Variants in PACRG observed in about 807,000 individuals in gnomAD.
PACRG encodes parkin coregulated, also known as parkin coregulated gene protein.
PACRG carries 29 observed loss-of-function variants against 29.7 expected under a neutral mutation model. The observed-to-expected ratio is 0.98, with a 90% CI of 0.73 to 1.33. The LOEUF is 1.33. PACRG is among the 40% of genes most tolerant of loss of function. PACRG has a pLI of 0.00. For missense variants in PACRG, 279 were observed against 316.2 expected, an observed-to-expected ratio of 0.88 and a Z score of 0.89; for synonymous variants, 116 against 118.7, an observed-to-expected ratio of 0.98 and a Z score of 0.15.
chr6:163,163,307 T>C (rs1778644858), intron 4 of PACRG, among the ~76,000 whole-genome samples: 1 of 152,228 alleles, frequency 6.6e-6, no homozygotes, highest in Non-Finnish European at 1.5e-5. Flanking sequence ...AGTCTCACTC[T>C]GTCACTCAGG....
At chr6:162,990,324 C>A (rs1389347168) in intron 2 of PACRG, among the ~76,000 whole-genome samples, 1 of 151,842 alleles carries the variant, frequency 6.6e-6, no homozygotes, top group African/African-American at 2.4e-5. Context: ...CTGACTTCCA[C>A]AATGGTTGAA....
intron 2 of PACRG, among the ~76,000 whole-genome samples, chr6:162,947,163 A>G (rs1453021170): frequency 1.3e-5 from 2 of 150,776 alleles, no homozygotes; most frequent in Non-Finnish European, 3.0e-5. Context: ...CAAATGGGAG[A>G]AGAAGCCAAA....
At chr6:162,823,635 C>T (rs1788028461) in intron 2 of PACRG, among the ~76,000 whole-genome samples, 1 of 151,852 alleles carries the variant, frequency 6.6e-6, no homozygotes, top group Non-Finnish European at 1.5e-5. Flanking sequence ...CCTCAGCCTC[C>T]CGAGTAGCTG....
chr6:163,225,833 G>T (rs963397346), intron 4 of PACRG, among the ~76,000 whole-genome samples: 1 of 152,128 alleles, frequency 6.6e-6, no homozygotes, highest in African/African-American at 2.4e-5. Flanking sequence ...TCGACGAATG[G>T]ATAAAGAAAA....
chr6:163,140,748 C>CG (rs1457389569), intron 4 of PACRG, among the ~76,000 whole-genome samples: 1 of 151,778 alleles, frequency 6.6e-6, no homozygotes, highest in Non-Finnish European at 1.5e-5. Flanking sequence ...TGAGAGGTCC[C>CG]GAAATCATGC....
At chr6:162,937,390 G>A (rs997741645) in intron 2 of PACRG, among the ~76,000 whole-genome samples, 110 of 152,310 alleles carry the variant, frequency 7.2e-4, no homozygotes, top group African/African-American at 2.5e-3. Flanking sequence ...AGAGAAGGGA[G>A]TGCTAAGAAC....
chr6:163,137,608 C>T (rs183463447), intron 4 of PACRG, among the ~76,000 whole-genome samples: 1 of 152,138 alleles, frequency 6.6e-6, no homozygotes, highest in African/African-American at 2.4e-5. Context: ...CTCCCTAATA[C>T]CCCGTGCTCC....
intron 1 of PACRG, among the ~76,000 whole-genome samples, chr6:162,785,240 GAAAC>G (rs535534208): frequency 4.0e-5 from 6 of 151,514 alleles, no homozygotes; most frequent in Non-Finnish European, 8.8e-5. Context: ...AGGAAGCAAT[GAAAC>G]AAACCAATTT....
At chr6:162,758,036 C>T (rs1782064444) in intron 1 of PACRG, among the ~76,000 whole-genome samples, 1 of 152,090 alleles carries the variant, frequency 6.6e-6, no homozygotes, top group Admixed American at 6.5e-5. Context: ...AAATCAGGCA[C>T]TCTCATACAT....
intron 2 of PACRG, among the ~76,000 whole-genome samples, chr6:162,987,201 A>G (rs1434865883): frequency 2.6e-5 from 4 of 152,090 alleles, no homozygotes; most frequent in African/African-American, 9.7e-5. Flanking sequence ...CTTTTGTCCC[A>G]TGAGTTGATC....
intron 2 of PACRG, among the ~76,000 whole-genome samples, chr6:162,973,618 T>G (rs964592266): frequency 1.3e-5 from 2 of 152,164 alleles, no homozygotes; most frequent in Non-Finnish European, 2.9e-5. Context: ...CTCCCCAAAT[T>G]AGATATTCCA....
Position 163,263,827 on chromosome 6 carries a change from T to G in PACRG, c.614-51000T>G, listed in dbSNP as rs774175299. 1.3e-4 allele frequency among the ~76,000 whole-genome samples: 20 copies of G among 152,334 alleles called. No homozygotes were observed. The Middle Eastern group carries it at 0.01, about 78-fold the overall frequency. On this transcript the variant is annotated intron_variant, in intron 4 of 4. Transcript: ENST00000366888. ...ATATTTTTTAGATAAAGGGCACTGC[T>G]AACACGGATAAATAAGAAGCCTGAC...
intron 4 of PACRG, among the ~76,000 whole-genome samples, chr6:163,126,275 C>G (rs1816511166): frequency 6.6e-6 from 1 of 152,168 alleles, no homozygotes; most frequent in Non-Finnish European, 1.5e-5. Context: ...AAAGAATTGT[C>G]TCATTAACCT....
intron 4 of PACRG, among the ~76,000 whole-genome samples, chr6:163,106,825 T>G (rs1815408888): frequency 6.6e-6 from 1 of 152,212 alleles, no homozygotes; most frequent in South Asian, 2.1e-4. Context: ...ACGGAAGTCC[T>G]CATCATCAGC....
chr6:163,253,843 C>T (rs373350405), intron 4 of PACRG, among the ~76,000 whole-genome samples: 3 of 152,356 alleles, frequency 2.0e-5, no homozygotes, highest in Non-Finnish European at 2.9e-5. Context: ...CTCCAAAGGA[C>T]GTGCTCCCGG....
chr6:162,879,693 C>T (rs1793670660), intron 2 of PACRG, among the ~76,000 whole-genome samples: 1 of 152,330 alleles, frequency 6.6e-6, no homozygotes, highest in South Asian at 2.1e-4. Context: ...GTGGGCCAGG[C>T]CCCGAGCTGG....
intron 4 of PACRG, among the ~76,000 whole-genome samples, chr6:163,306,202 A>G (rs1785192467): frequency 1.3e-5 from 2 of 152,224 alleles, no homozygotes; most frequent in Admixed American, 6.5e-5. Context: ...TGTTGTTATT[A>G]TTACTCCACC....
intron 2 of PACRG, among the ~76,000 whole-genome samples, chr6:162,926,925 G>A (rs953425823): frequency 1.3e-5 from 2 of 151,918 alleles, no homozygotes; most frequent in African/African-American, 4.8e-5. Flanking sequence ...GGTCTAATAT[G>A]CGGAATTTAC....
At chr6:163,126,765 G>A (rs1343206127) in intron 4 of PACRG, among the ~76,000 whole-genome samples, 1 of 152,208 alleles carries the variant, frequency 6.6e-6, no homozygotes, top group African/African-American at 2.4e-5. Context: ...CACAGACCCA[G>A]ATAGACAGGG....
Sources: gnomAD v4.1 joint callset for allele counts (sites outside exome capture counted in the v4.1 genomes callset) on GRCh38, gnomAD v4.1.1 for gene constraint, MANE v1.5 for transcripts, NCBI Gene and HGNC (gene_info 2026-07-23, HGNC 2026-07-21) for gene names.